DLG2: variants seen among roughly 807,000 people sequenced by gnomAD.
The protein encoded by DLG2 is disks large homolog 2.
DLG2 carries 45 observed loss-of-function variants against 132.5 expected under a neutral mutation model. The ratio of observed to expected loss-of-function variants is 0.34; its 90% CI spans 0.27 to 0.44. DLG2 has a LOEUF of 0.44. Among genes scored for constraint, DLG2 ranks in the 20% least tolerant of loss-of-function variants. The pLI is 1.00. For missense variants in DLG2, 1,045 were observed against 1,196.9 expected (o/e 0.87, Z 1.87); for synonymous variants, 424 against 419.6 (o/e 1.01, Z -0.13).
At chr11:84,179,284 C>T (rs2096057905) in intron 8 of DLG2, among the ~76,000 whole-genome samples, 1 of 152,046 alleles carries the variant, frequency 6.6e-6, no homozygotes, top group Admixed American at 6.6e-5. Context: ...GTTCTAACAA[C>T]AAATAAAAAG....
intron 5 of DLG2, among the ~76,000 whole-genome samples, chr11:85,137,426 C>G (rs557783669): frequency 6.6e-6 from 1 of 152,254 alleles, no homozygotes; most frequent in South Asian, 2.1e-4. Context: ...GACCCCAACA[C>G]AGAGAGTGGT....
At chr11:83,845,589 G>A (rs1199493915) in intron 16 of DLG2, among the ~76,000 whole-genome samples, 1 of 152,176 alleles carries the variant, frequency 6.6e-6, no homozygotes. Context: ...CATAAGGGGG[G>A]ATCTATGCAT....
chr11:84,213,735 C>T (rs1468199979), intron 8 of DLG2, among the ~76,000 whole-genome samples: 1 of 147,256 alleles, frequency 6.8e-6, no homozygotes, highest in African/African-American at 2.5e-5. Flanking sequence ...AGGAGAATGG[C>T]GTGAACCCGA....
chr11:85,021,769 C>T (rs2060093169), intron 6 of DLG2: 1 of 561,604 alleles, frequency 1.8e-6, no homozygotes, highest in Non-Finnish European at 3.3e-6. Flanking sequence ...CTCCTGGGTT[C>T]TACGTGGAGA....
At chr11:85,249,449 AT>A (rs2076293097) in intron 4 of DLG2, among the ~76,000 whole-genome samples, 1 of 151,802 alleles carries the variant, frequency 6.6e-6, no homozygotes, top group Non-Finnish European at 1.5e-5. Context: ...ACATATATAA[AT>A]ATAAAATAAC....
chr11:83,807,132 C>T (rs1249605149), intron 17 of DLG2, among the ~76,000 whole-genome samples: 1 of 152,168 alleles, frequency 6.6e-6, no homozygotes, highest in Non-Finnish European at 1.5e-5. Context: ...AAACTCCATA[C>T]AATAAGGAGT....
At chr11:83,521,537 G>A (rs1445228967) in intron 21 of DLG2, among the ~76,000 whole-genome samples, 3 of 152,180 alleles carry the variant, frequency 2.0e-5, no homozygotes, top group Non-Finnish European at 4.4e-5. Context: ...TAAGGCAAAT[G>A]TGTTGGAGTG....
chr11:84,621,521 C>G (rs962864850), intron 6 of DLG2, among the ~76,000 whole-genome samples: 1 of 152,068 alleles, frequency 6.6e-6, no homozygotes, highest in South Asian at 2.1e-4. Flanking sequence ...CTCATTTGTT[C>G]ACTCGCTAAT....
intron 4 of DLG2, among the ~76,000 whole-genome samples, chr11:85,228,130 C>T (rs928100394): frequency 1.3e-5 from 2 of 151,960 alleles, no homozygotes; most frequent in Non-Finnish European, 2.9e-5. Context: ...TTCCTCATAC[C>T]CTATCTCCTA....
chr11:84,839,092 C>A (rs547175897), intron 6 of DLG2, among the ~76,000 whole-genome samples: 1 of 152,128 alleles, frequency 6.6e-6, no homozygotes, highest in South Asian at 2.1e-4. Flanking sequence ...ATTTAGAAAA[C>A]CCCATCGTCT....
chr11:84,811,825 G>A (rs1344704071), intron 6 of DLG2, among the ~76,000 whole-genome samples: 2 of 152,138 alleles, frequency 1.3e-5, no homozygotes, highest in African/African-American at 4.8e-5. Context: ...AAGTAGCTCA[G>A]AATCTATTAG....
At chr11:85,567,980 C>T (rs918935827) in intron 3 of DLG2, among the ~76,000 whole-genome samples, 2 of 151,294 alleles carry the variant, frequency 1.3e-5, no homozygotes, top group African/African-American at 2.4e-5. Context: ...AATCTCAATC[C>T]CTCATAGTGT....
intron 15 of DLG2, among the ~76,000 whole-genome samples, chr11:83,882,277 A>T (rs1176538463): frequency 6.6e-6 from 1 of 152,210 alleles, no homozygotes; most frequent in Non-Finnish European, 1.5e-5. Flanking sequence ...TAAAAAAAAG[A>T]TGAAGGAACA....
At chr11:85,100,627 C>T (rs950853912) in intron 6 of DLG2, among the ~76,000 whole-genome samples, 1 of 152,098 alleles carries the variant, frequency 6.6e-6, no homozygotes, top group Non-Finnish European at 1.5e-5. Flanking sequence ...TAACCAGTAA[C>T]AGTACACCAC....
At chr11:83,735,108 C>T (rs1185775266) in intron 18 of DLG2, among the ~76,000 whole-genome samples, 1 of 151,878 alleles carries the variant, frequency 6.6e-6, no homozygotes, top group East Asian at 1.9e-4. Context: ...ATTTTTTTAA[C>T]ATTTGATATT....
At chr11:84,329,181 C>T (rs1392374003) in intron 7 of DLG2, among the ~76,000 whole-genome samples, 1 of 152,120 alleles carries the variant, frequency 6.6e-6, no homozygotes, top group Non-Finnish European at 1.5e-5. Context: ...AAGAACTATC[C>T]TTTATTTGTA....
chr11:84,221,527 C>T (rs1307255948), intron 8 of DLG2, among the ~76,000 whole-genome samples: 1 of 152,010 alleles, frequency 6.6e-6, no homozygotes, highest in Non-Finnish European at 1.5e-5. Flanking sequence ...ATGTAAAGTG[C>T]TAAGTAGCAA....
chr11:85,369,449 G>T (rs375059399), intron 3 of DLG2, among the ~76,000 whole-genome samples: 1 of 151,282 alleles, frequency 6.6e-6, no homozygotes, highest in South Asian at 2.1e-4. Flanking sequence ...TCTCTACCCC[G>T]TCAGCAGTTA....
At chr11:85,012,515 A>C (rs2059224268) in intron 6 of DLG2, among the ~76,000 whole-genome samples, 1 of 151,682 alleles carries the variant, frequency 6.6e-6, no homozygotes, top group Non-Finnish European at 1.5e-5. Context: ...TAAGAGCAAA[A>C]CTCTGTCTCA....
Sources: gnomAD v4.1 joint callset for allele counts (sites outside exome capture counted in the v4.1 genomes callset) on GRCh38, gnomAD v4.1.1 for gene constraint, MANE v1.5 for transcripts, NCBI Gene and HGNC (gene_info 2026-07-23, HGNC 2026-07-21) for gene names.